Variants in SYCP2L observed in about 807,000 individuals in gnomAD.
SYCP2L encodes synaptonemal complex protein 2-like.
A neutral mutation model predicts 125.8 loss-of-function variants in SYCP2L; 98 were observed. The ratio of observed to expected loss-of-function variants is 0.78; its 90% CI spans 0.66 to 0.92. The LOEUF (loss-of-function observed/expected upper bound fraction) is 0.92. Ranked by LOEUF, SYCP2L falls within the 40% of genes least tolerant of loss-of-function variation. The pLI, the probability that SYCP2L is intolerant of heterozygous loss-of-function variation, is 0.00. For missense variants in SYCP2L, 842 were observed against 936.4 expected (o/e 0.90, Z 1.32); for synonymous variants, 317 against 325.4 (o/e 0.97, Z 0.28).
At chr6:10,916,987 A>C (rs1780705241) in intron 14 of SYCP2L, among the ~76,000 whole-genome samples, 1 of 152,206 alleles carries the variant, frequency 6.6e-6, no homozygotes, top group South Asian at 2.1e-4. Flanking sequence ...GCAAGACTCC[A>C]TTTCAAAAAA....
chr6:10,905,790 C>G (rs1486489123), intron 8 of SYCP2L, among the ~76,000 whole-genome samples: 1 of 152,164 alleles, frequency 6.6e-6, no homozygotes, highest in East Asian at 1.9e-4. Flanking sequence ...AACAGAACCT[C>G]AGAGTGTATA....
intron 14 of SYCP2L, among the ~76,000 whole-genome samples, chr6:10,922,307 CTAG>C (rs950543470): frequency 1.3e-5 from 2 of 152,004 alleles, no homozygotes; most frequent in Admixed American, 1.3e-4. Context: ...TGATGATTGT[CTAG>C]TAAATTCCGT....
At chr6:10,953,461 A>G (rs1206746061) in intron 23 of SYCP2L, among the ~76,000 whole-genome samples, 3 of 152,046 alleles carry the variant, frequency 2.0e-5, no homozygotes, top group Non-Finnish European at 4.4e-5. Flanking sequence ...GCAAATATGT[A>G]GTGGCTATTT....
At chr6:10,962,240 C>T (rs927813929) in intron 28 of SYCP2L, among the ~76,000 whole-genome samples, 1 of 110,212 alleles carries the variant, frequency 9.1e-6, no homozygotes, top group African/African-American at 3.5e-5. Context: ...AAATTTAAGG[C>T]ACATGGTTTT....
At position 10,912,881 on chromosome 6, in the gene SYCP2L, CT is replaced by C; in HGVS notation, c.1027del (p.Ser343GlnfsTer2). ...IDNAENTLWDSVTLPKEAVMN... is the reference protein window; with the variant it reads ...IDNAENTLWDXVTLPKEAVMN... ...ATTTTCCCAAGAATACTCTATGGGA[CT>C]CAGTGACACTTCCGAAGGAAGCGGT... On this transcript the variant is annotated frameshift_variant, in exon 14 of 30. Coordinates refer to ENST00000283141, the MANE Select transcript of SYCP2L (RefSeq NM_001040274.3). LOFTEE classifies it high-confidence loss of function. This position sits in a 1 kb window ranked among gnomAD's most constrained non-coding sequence, Gnocchi z 4.1. 6.2e-7 allele frequency: 1 copy of C among 1,613,912 alleles called. No homozygotes were observed. The highest frequency in any genetic ancestry group is 8.5e-7 in the Non-Finnish European group (1 of 1,179,940).
At chr6:10,900,705 G>A (rs905432242) in intron 6 of SYCP2L, among the ~76,000 whole-genome samples, 3 of 152,140 alleles carry the variant, frequency 2.0e-5, no homozygotes, top group South Asian at 2.1e-4. Context: ...TCCCACACTC[G>A]TGACCTCATC....
intron 14 of SYCP2L, among the ~76,000 whole-genome samples, chr6:10,913,147 T>C (rs1780637327): frequency 6.6e-6 from 1 of 152,156 alleles, no homozygotes; most frequent in African/African-American, 2.4e-5. Flanking sequence ...TTAAAAATGT[T>C]TATAGATCCT....
chr6:10,929,317 G>C (rs563210452), intron 18 of SYCP2L, among the ~76,000 whole-genome samples: 1 of 152,162 alleles, frequency 6.6e-6, no homozygotes, highest in East Asian at 1.9e-4. Context: ...TTGGGAGTGA[G>C]ACTTAGCTCC....
Position 10,887,073 on chromosome 6 carries a change from C to A in SYCP2L, c.-54C>A. ...GGGCGGGGAAGCAGGAGAGGGCCGACCGAGCGCAACAAAGCTGAGCGGCGC... is the reference window on the plus strand; with the variant it reads ...GGGCGGGGAAGCAGGAGAGGGCCGAACGAGCGCAACAAAGCTGAGCGGCGC... On this transcript the variant is annotated 5_prime_UTR_variant, in exon 1 of 30. Transcript: ENST00000283141. 6.2e-7 allele frequency: 1 copy of A among 1,612,952 alleles called. No individual in the cohort carries two copies. The highest frequency in any genetic ancestry group is 8.5e-7 in the Non-Finnish European group (1 of 1,179,298).
In SYCP2L at chr6:10,902,767, G is replaced by A. The variant is rs768296347; in HGVS notation, c.552+5G>A. On this transcript the variant is annotated splice_donor_5th_base_variant and intron_variant, in intron 7 of 29. Transcript: ENST00000283141. ...AATCATTTGCTTCAACAGGAGGTGAGTTGCAAGTAACAAAACAGGTAATAG... is the reference window on the plus strand; with the variant it reads ...AATCATTTGCTTCAACAGGAGGTGAATTGCAAGTAACAAAACAGGTAATAG... The A allele has an allele frequency of 1.9e-6, 3 of 1,613,858 alleles. No homozygotes were observed. The highest frequency in any genetic ancestry group is 2.5e-6 in the Non-Finnish European group (3 of 1,179,880).
intron 15 of SYCP2L, among the ~76,000 whole-genome samples, chr6:10,925,309 C>T (rs1780877030): frequency 6.6e-6 from 1 of 152,122 alleles, no homozygotes; most frequent in Non-Finnish European, 1.5e-5. Flanking sequence ...AGCTACAATT[C>T]AAGATGAGAT....
chr6:10,933,739 A>C (rs755411309), intron 20 of SYCP2L, among the ~76,000 whole-genome samples: 62 of 152,352 alleles, frequency 4.1e-4, no homozygotes, highest in Non-Finnish European at 1.2e-4. Context: ...TTTGAATGAA[A>C]GCACAAGGAG....
At position 10,911,922 on chromosome 6, in the gene SYCP2L, G is replaced by A. The variant is rs1253132127; in HGVS notation, c.919-751G>A. On this transcript the variant is annotated intron_variant, in intron 12 of 29. Coordinates refer to ENST00000283141, the MANE Select transcript of SYCP2L (RefSeq NM_001040274.3). ...TTTTTTTTTTTTTTTTTTTTTTTGA[G>A]ACGGAGTCTCACTCTGTTGCCCAGG... Among the ~76,000 whole-genome samples, 4 of 6,198 alleles carry A rather than the reference G, an allele frequency of 6.5e-4. No homozygotes were observed. The East Asian group carries it at 9.7e-3, about 15-fold the overall frequency. 4.1% of individuals were successfully genotyped at this position (6,198 alleles called of 152,430 possible).
rs70991066 is a variant in SYCP2L, at chr6:10,888,066, CTTTTTTTTTTTTTTTTTT to C, written c.9+962_9+979del. Among the ~76,000 whole-genome samples the C allele has an allele frequency of 7.9e-3, 586 of 74,324 alleles. 46 individuals carry two copies. Among genetic ancestry groups the C allele is most frequent in the South Asian group, 0.01 (20 of 1,988 alleles). 48.8% of individuals were successfully genotyped at this position (74,324 alleles called of 152,430 possible). ...AATCCTTCCATATAGGTGTTACCAT[CTTTTTTTTTTTTTTTTTT>C]TTTTTTTTTTTTTTTTTTTTTTTTT... is the stretch of plus-strand genomic sequence containing the variant. On this transcript the variant is annotated intron_variant, in intron 1 of 29. Transcript: ENST00000283141.
Position 10,912,868 on chromosome 6 carries a change from A to G in SYCP2L, c.1013A>G (p.Asn338Ser), listed in dbSNP as rs748047074. The change falls in exon 14 of 30, where the codon AAT becomes AGT. Residue 338 changes from asparagine (N) to serine (S), a missense_variant and splice_region_variant. Physicochemically the swap from Asn to Ser is conservative, Grantham distance 46. Transcript: ENST00000283141. The surrounding 1 kb of genome is among the most constrained non-coding windows in gnomAD (Gnocchi z 4.1). The stretch of plus-strand genomic sequence containing the variant: ...ATTTCACTTATTTATTTTCCCAAGA[A>G]TACTCTATGGGACTCAGTGACACTT... ...SVTFYIDNAENTLWDSVTLPK... is the reference protein window; with the variant it reads ...SVTFYIDNAESTLWDSVTLPK... The G allele has an allele frequency of 1.2e-6, 2 of 1,613,794 alleles. No individual in the cohort carries two copies. The highest frequency in any genetic ancestry group is 1.1e-5 in the South Asian group (1 of 91,040).
intron 28 of SYCP2L, among the ~76,000 whole-genome samples, chr6:10,962,227 C>A (rs987605473): frequency 7.9e-6 from 1 of 126,470 alleles, no homozygotes; most frequent in African/African-American, 3.1e-5. Context: ...GCTGCTTTCA[C>A]AGAAATTTAA....
intron 29 of SYCP2L, among the ~76,000 whole-genome samples, chr6:10,965,497 A>G (rs1781663696): frequency 6.6e-6 from 1 of 152,188 alleles, no homozygotes; most frequent in South Asian, 2.1e-4. Flanking sequence ...CTTGACAGGA[A>G]CCTGGAGTAA....
chr6:10,962,406 C>G, intron 28 of SYCP2L, among the ~76,000 whole-genome samples: 1 of 148,124 alleles, frequency 6.8e-6, no homozygotes, highest in East Asian at 2.0e-4. Flanking sequence ...TCCACAATCC[C>G]TCACACACCA....
At position 10,958,726 on chromosome 6, in the gene SYCP2L, A is replaced by C. The variant is rs976435992; in HGVS notation, c.2164-58A>C. On this transcript the variant is annotated intron_variant, in intron 25 of 29. Coordinates refer to ENST00000283141, the MANE Select transcript of SYCP2L (RefSeq NM_001040274.3). ...AGCATCTTTTTAACACAAAGCATGC[A>C]CTCAACTTATGTAATTATATTAAAT... 8.1e-6 allele frequency: 12 copies of C among 1,481,642 alleles called. No individual in the cohort carries two copies. In the African/African-American group the frequency reaches 1.3e-4, roughly 16 times the overall value. The allele number at this position is 1,481,642 out of a possible 1,614,324, so 91.8% of individuals were successfully genotyped here.
Sources: allele counts gnomAD v4.1 joint callset (sites outside exome capture counted in the v4.1 genomes callset), GRCh38; gene constraint gnomAD v4.1.1; non-coding constraint Gnocchi (gnomAD v3.1); transcripts MANE v1.5; gene names NCBI Gene and HGNC (gene_info 2026-07-23, HGNC 2026-07-21).